The following GALNTL6 variants were observed in gnomAD, a reference collection of about 807,000 sequenced individuals.
The protein encoded by GALNTL6 is polypeptide N-acetylgalactosaminyltransferase like 6, also known as polypeptide N-acetylgalactosaminyltransferase-like 6.
Under a neutral mutation model 73.7 loss-of-function variants are expected in GALNTL6, and 46 were observed. The ratio of observed to expected loss-of-function variants is 0.62; its 90% CI spans 0.49 to 0.80. GALNTL6 has a LOEUF of 0.80. Among genes scored for constraint, GALNTL6 ranks in the 30% least tolerant of loss-of-function variants. GALNTL6 has a pLI of 0.00. For synonymous variants in GALNTL6, 259 were observed against 263.7 expected, an observed-to-expected ratio of 0.98 and a Z score of 0.17; for missense variants, 604 against 755.0, an observed-to-expected ratio of 0.80 and a Z score of 2.34.
At chr4:172,429,442 C>A (rs768967451) in intron 5 of GALNTL6, among the ~76,000 whole-genome samples, 1 of 152,042 alleles carries the variant, frequency 6.6e-6, no homozygotes, top group Non-Finnish European at 1.5e-5. Context: ...AAACTCCTGA[C>A]CTCATGATCT....
chr4:172,567,837 C>CA (rs149832471), intron 5 of GALNTL6, among the ~76,000 whole-genome samples: 19 of 147,934 alleles, frequency 1.3e-4, no homozygotes, highest in Admixed American at 4.0e-4. Context: ...GACTGTGTCT[C>CA]AAAAAAAAAA....
chr4:172,417,299 C>G (rs900239413), intron 5 of GALNTL6, among the ~76,000 whole-genome samples: 7 of 151,848 alleles, frequency 4.6e-5, no homozygotes, highest in African/African-American at 1.7e-4. Flanking sequence ...AATCTGTGGC[C>G]CTCATTCTCC....
chr4:172,297,153 G>T (rs1344517332), intron 3 of GALNTL6, among the ~76,000 whole-genome samples: 1 of 152,144 alleles, frequency 6.6e-6, no homozygotes, highest in Non-Finnish European at 1.5e-5. Context: ...CTGCATAAAT[G>T]TCTTCTTTTG....
intron 2 of GALNTL6, among the ~76,000 whole-genome samples, chr4:172,180,015 C>T (rs144602425): frequency 0.011 from 1,748 of 152,246 alleles, 14 homozygotes; most frequent in Admixed American, 0.016. Flanking sequence ...CTTGAGGAAT[C>T]GCCACACTGT....
intron 7 of GALNTL6, among the ~76,000 whole-genome samples, chr4:172,840,215 T>C (rs1315687057): frequency 1.3e-5 from 2 of 152,244 alleles, no homozygotes; most frequent in African/African-American, 2.4e-5. Flanking sequence ...TCTCAAAATG[T>C]TGAGTCACTG....
intron 7 of GALNTL6, among the ~76,000 whole-genome samples, chr4:172,867,267 G>A (rs534627189): frequency 9.8e-5 from 15 of 152,304 alleles, no homozygotes; most frequent in Middle Eastern, 3.4e-3. Context: ...ATGTTGTAAT[G>A]AGTATGTCTG....
chr4:172,360,291 G>A (rs1326799690), intron 5 of GALNTL6, among the ~76,000 whole-genome samples: 1 of 133,246 alleles, frequency 7.5e-6, no homozygotes, highest in Non-Finnish European at 1.6e-5. Context: ...ATTCTTATGT[G>A]TATACTTTCT....
intron 2 of GALNTL6, among the ~76,000 whole-genome samples, chr4:171,922,062 G>T (rs78379796): frequency 0.04 from 6,020 of 151,594 alleles, 339 homozygotes; most frequent in African/African-American, 0.12. Context: ...AGAAATTATA[G>T]TTTCATAGTA....
intron 4 of GALNTL6, among the ~76,000 whole-genome samples, chr4:172,322,305 G>A (rs985637864): frequency 2.6e-5 from 4 of 152,034 alleles, no homozygotes; most frequent in African/African-American, 9.7e-5. Context: ...ACTTGCCTTG[G>A]TCTTTCACTC....
intron 5 of GALNTL6, among the ~76,000 whole-genome samples, chr4:172,724,823 C>T (rs1211414330): frequency 6.6e-6 from 1 of 152,048 alleles, no homozygotes; most frequent in Non-Finnish European, 1.5e-5. Context: ...AGGTGAAAAG[C>T]TCAAGGAATC....
intron 2 of GALNTL6, among the ~76,000 whole-genome samples, chr4:172,097,442 A>G (rs974629505): frequency 6.6e-6 from 1 of 152,220 alleles, no homozygotes; most frequent in Non-Finnish European, 1.5e-5. Flanking sequence ...TGAGGAAGGC[A>G]GGAGTCTGAG....
chr4:172,226,913 T>C (rs1455976318), intron 2 of GALNTL6, among the ~76,000 whole-genome samples: 4 of 152,198 alleles, frequency 2.6e-5, no homozygotes, highest in African/African-American at 9.7e-5. Context: ...GAACTTTTCT[T>C]AAAGTTCTTT....
rs147674078 is a variant in GALNTL6 at position 172,988,954 on chromosome 4, T to C, written c.1372-20224T>C. On this transcript the variant is annotated intron_variant, in intron 10 of 12. Transcript: ENST00000506823. ...CAGGCAGAAGTCTGCTGCAGGGGCC[T>C]GCAGGGGCAAGCCCTCATGGAGAAC... 5.2e-3 allele frequency among the ~76,000 whole-genome samples: 794 copies of C among 152,340 alleles called. 11 individuals carry two copies. Among genetic ancestry groups the C allele is most frequent in the African/African-American group, 0.018 (746 of 41,584 alleles).
intron 7 of GALNTL6, among the ~76,000 whole-genome samples, chr4:172,873,240 G>A (rs1458188181): frequency 6.6e-6 from 1 of 152,190 alleles, no homozygotes; most frequent in East Asian, 1.9e-4. Flanking sequence ...AATAACAACC[G>A]AAAGTTCCCA....
At chr4:171,977,290 A>C (rs2111074114) in intron 2 of GALNTL6, among the ~76,000 whole-genome samples, 1 of 152,364 alleles carries the variant, frequency 6.6e-6, no homozygotes, top group South Asian at 2.1e-4. Flanking sequence ...TATTGGTCTG[A>C]GTTATTACCC....
intron 2 of GALNTL6, among the ~76,000 whole-genome samples, chr4:172,091,979 CTTAAAA>C (rs1457491485): frequency 7.9e-5 from 12 of 151,978 alleles, no homozygotes; most frequent in Non-Finnish European, 1.8e-4. Flanking sequence ...AGTCTATGTT[CTTAAAA>C]TTAAAGTTCT....
At chr4:173,024,032 C>T (rs1008654475) in intron 12 of GALNTL6, among the ~76,000 whole-genome samples, 2 of 151,960 alleles carry the variant, frequency 1.3e-5, no homozygotes, top group African/African-American at 2.4e-5. Context: ...CATGACACAC[C>T]AACCACTCAA....
At chr4:172,241,387 G>GA (rs948979834) in intron 3 of GALNTL6, among the ~76,000 whole-genome samples, 3 of 151,796 alleles carry the variant, frequency 2.0e-5, no homozygotes, top group Non-Finnish European at 2.9e-5. Flanking sequence ...CTTGAATTAA[G>GA]AAAAAAAATG....
intron 6 of GALNTL6, among the ~76,000 whole-genome samples, chr4:172,812,635 T>C (rs1741374702): frequency 6.6e-6 from 1 of 151,992 alleles, no homozygotes; most frequent in Non-Finnish European, 1.5e-5. Context: ...ACCTCTCTGC[T>C]ACCATGAGAA....
Sources: gnomAD v4.1 joint callset for allele counts (sites outside exome capture counted in the v4.1 genomes callset) on GRCh38, gnomAD v4.1.1 for gene constraint, MANE v1.5 for transcripts, NCBI Gene and HGNC (gene_info 2026-07-23, HGNC 2026-07-21) for gene names.